The following CIAO2A variants were observed in gnomAD, a reference collection of about 807,000 sequenced individuals.
CIAO2A encodes the protein cytosolic iron-sulfur assembly component 2A, also known as MIP18 family protein FAM96A.
CIAO2A carries 17 observed loss-of-function variants against 22.4 expected under a neutral mutation model. That is an observed-to-expected ratio of 0.76 (90% confidence interval 0.52 to 1.14). The LOEUF (loss-of-function observed/expected upper bound fraction) is 1.14, where lower values mean the gene tolerates loss of function less well. CIAO2A is among the 50% of genes most tolerant of loss of function. The pLI, the probability that CIAO2A is intolerant of heterozygous loss-of-function variation, is 0.00. For synonymous variants in CIAO2A, 74 were observed against 72.3 expected, an observed-to-expected ratio of 1.02 and a Z score of -0.12; for missense variants, 192 against 191.4, an observed-to-expected ratio of 1.00 and a Z score of -0.02.
Position 64,075,554 on chromosome 15 carries a change from A to C in CIAO2A, c.340-17T>G, listed in dbSNP as rs759847301. On this transcript the variant is annotated splice_polypyrimidine_tract_variant and intron_variant, in intron 3 of 4. Coordinates refer to ENST00000300030, the MANE Select transcript of CIAO2A (RefSeq NM_032231.7). ...GATTTCCAACTGGAAAGTGGGAAAA[A>C]AAGTAAAAGAAAAAACATTAATGCA... The C allele has an allele frequency of 5.7e-5, 88 of 1,535,212 alleles. No homozygotes were observed. Among genetic ancestry groups the C allele is most frequent in the Non-Finnish European group, 2.0e-5 (22 of 1,121,382 alleles).
rs558781060 is a variant in CIAO2A at position 64,089,080 on chromosome 15, A to T, written c.125-229T>A. Reference sequence around the variant, plus strand: ...TTTCTCCAATCGGACATTGCAGAGAAAATATAATAAGAATGGAAACAGTGT... The same window carrying T: ...TTTCTCCAATCGGACATTGCAGAGATAATATAATAAGAATGGAAACAGTGT... On this transcript the variant is annotated intron_variant, in intron 1 of 4. Transcript: ENST00000300030. Among the ~76,000 whole-genome samples, 6 of 152,342 alleles carry T rather than the reference A, an allele frequency of 3.9e-5. No homozygotes were observed. In the East Asian group the frequency reaches 7.7e-4, roughly 20 times the overall value.
At chr15:64,085,510 A>C (rs2084732517) in intron 2 of CIAO2A, among the ~76,000 whole-genome samples, 1 of 152,198 alleles carries the variant, frequency 6.6e-6, no homozygotes, top group African/African-American at 2.4e-5. Context: ...TCAACAACAA[A>C]AAAAATTTAA....
rs1016357844 is a variant in CIAO2A, at chr15:64,075,585, A to C, written c.340-48T>G. ...AAAGAAAAAACATTAATGCATTCTA[A>C]GATAAGAGAGTGAAGTGGAATGTAC... On this transcript the variant is annotated intron_variant, in intron 3 of 4. Transcript: ENST00000300030. 4 of 1,184,310 alleles carry C rather than the reference A, an allele frequency of 3.4e-6. No homozygotes were observed. In the Admixed American group the frequency reaches 7.8e-5, roughly 23 times the overall value. The allele number at this position is 1,184,310 out of a possible 1,614,324, so 73.4% of individuals were successfully genotyped here.
chr15:64,076,873 G>A (rs767535955), intron 3 of CIAO2A, among the ~76,000 whole-genome samples: 26 of 150,852 alleles, frequency 1.7e-4, no homozygotes, highest in African/African-American at 3.7e-4. Context: ...CTCCTCCCTC[G>A]TCTCTATTTT....
At chr15:64,081,191 G>C (rs2080756882) in intron 2 of CIAO2A, 40 bp from the exon 3 acceptor site, 2 of 1,582,586 alleles carry the variant, frequency 1.3e-6, no homozygotes, top group African/African-American at 2.7e-5. Context: ...TCTCTTTATT[G>C]CTTCTTATTG....
Position 64,075,550 on chromosome 15 carries a change from A to G in CIAO2A, c.340-13T>C, listed in dbSNP as rs1268768423. 2.0e-6 allele frequency: 3 copies of G among 1,531,396 alleles called. No individual in the cohort carries two copies. The highest frequency in any genetic ancestry group is 4.6e-5 in the East Asian group (2 of 43,798). 94.9% of individuals were successfully genotyped at this position (1,531,396 alleles called of 1,614,324 possible). A position where few individuals can be genotyped will look rare whatever the true frequency, so the allele number is the denominator to read the frequency against. ...TGTAGATTTCCAACTGGAAAGTGGG[A>G]AAAAAAGTAAAAGAAAAAACATTAA... is the stretch of plus-strand genomic sequence containing the variant. On this transcript the variant is annotated splice_polypyrimidine_tract_variant and intron_variant, in intron 3 of 4. Transcript: ENST00000300030.
rs760364139 is a variant in CIAO2A at position 64,093,678 on chromosome 15, G to T, written c.91C>A (p.Arg31=). 1.9e-6 allele frequency: 3 copies of T among 1,613,672 alleles called. No individual in the cohort carries two copies. The highest frequency in any genetic ancestry group is 2.5e-6 in the Non-Finnish European group (3 of 1,179,844). The change falls in exon 1 of 5, where the codon CGG becomes AGG. Residue 31 remains arginine, a synonymous_variant. Coordinates refer to ENST00000300030, the MANE Select transcript of CIAO2A (RefSeq NM_032231.7). ...LSEPGAARQP[R]IMEEKALEVY... ...TCTAGCGCTTTCTCTTCCATGATCC[G>T]GGGCTGCCGGGCAGCTCCCGGCTCA...
rs2140115439 is a variant in CIAO2A, at chr15:64,088,696, T to A, written c.280A>T (p.Thr94Ser). Residue 94 changes from threonine to serine, a missense_variant, in exon 2 of 5, where the codon ACT (threonine) becomes TCT (serine). By Grantham distance (58) the Thr-to-Ser change is moderately conservative (BLOSUM62 1). Transcript: ENST00000300030. ...TPTVPHCSLA[T>S]LIGLCLRVKL... ...GTACAGAAAAACTTACCAATAAGAGTCGCCAAAGAGCAATGAGGTACTGTT... is the reference window on the plus strand; with the variant it reads ...GTACAGAAAAACTTACCAATAAGAGACGCCAAAGAGCAATGAGGTACTGTT... 6.2e-7 allele frequency: 1 copy of A among 1,607,890 alleles called. No individual in the cohort carries two copies. The highest frequency in any genetic ancestry group is 8.5e-7 in the Non-Finnish European group (1 of 1,178,268).
intron 2 of CIAO2A, among the ~76,000 whole-genome samples, chr15:64,082,632 G>C (rs1042793663): frequency 3.3e-5 from 5 of 152,136 alleles, no homozygotes; most frequent in African/African-American, 9.7e-5. Context: ...CTGCCTTAAA[G>C]CATATCTGGG....
intron 3 of CIAO2A, among the ~76,000 whole-genome samples, chr15:64,077,801 A>AT (rs1216728572): frequency 2.6e-5 from 4 of 152,234 alleles, no homozygotes; most frequent in Admixed American, 2.6e-4. Context: ...AGCCAGGAGG[A>AT]GGGACCGCCA....
At chr15:64,079,086 T>C (rs1181968943) in intron 3 of CIAO2A, among the ~76,000 whole-genome samples, 4 of 149,150 alleles carry the variant, frequency 2.7e-5, no homozygotes, top group East Asian at 2.0e-4. Flanking sequence ...AAAAAAGAAA[T>C]AGCTTTAGTT....
chr15:64,084,998 C>G (rs770059732), intron 2 of CIAO2A, among the ~76,000 whole-genome samples: 1 of 148,014 alleles, frequency 6.8e-6, no homozygotes, highest in East Asian at 2.0e-4. Flanking sequence ...GAGGCTGAAG[C>G]GGAGAATCAC....
chr15:64,075,878 G>A (rs778022152), intron 3 of CIAO2A, among the ~76,000 whole-genome samples: 2 of 151,454 alleles, frequency 1.3e-5, no homozygotes, highest in Non-Finnish European at 2.9e-5. Context: ...GGCCAGACTG[G>A]TCTCAAACTC....
chr15:64,091,776 A>C (rs1187595151), intron 1 of CIAO2A, among the ~76,000 whole-genome samples: 1 of 150,818 alleles, frequency 6.6e-6, no homozygotes, highest in African/African-American at 2.4e-5. Context: ...AAAAGAAAGA[A>C]GGGCCGGGTG....
chr15:64,093,689 GC>G lies in CIAO2A; in HGVS notation c.79del (p.Ala27ProfsTer12). 6.2e-7 allele frequency: 1 copy of G among 1,614,058 alleles called. No individual in the cohort carries two copies. Among genetic ancestry groups the G allele is most frequent in the Admixed American group, 1.7e-5 (1 of 60,016 alleles). On this transcript the variant is annotated frameshift_variant, in exon 1 of 5. Coordinates refer to ENST00000300030, the MANE Select transcript of CIAO2A (RefSeq NM_032231.7). LOFTEE classifies it high-confidence loss of function. Reference sequence around the variant, plus strand: ...CTCTTCCATGATCCGGGGCTGCCGGGCAGCTCCCGGCTCAGAGAGGCCGGAG... The same window carrying G: ...CTCTTCCATGATCCGGGGCTGCCGGGAGCTCCCGGCTCAGAGAGGCCGGAG... ...WLSGLSEPGA[A>X]RQPRIMEEKA...
At chr15:64,075,635 A>G in intron 3 of CIAO2A, 98 bp from the exon 4 acceptor site, 1 of 634,408 alleles carries the variant, frequency 1.6e-6, no homozygotes. Context: ...TCTAGGGATG[A>G]GTGCCCAAAT....
At chr15:64,087,430 T>C (rs2080806774) in intron 2 of CIAO2A, among the ~76,000 whole-genome samples, 1 of 152,094 alleles carries the variant, frequency 6.6e-6, no homozygotes, top group African/African-American at 2.4e-5. Flanking sequence ...GGTTTCACCA[T>C]GTTGGTCAGG....
intron 3 of CIAO2A, among the ~76,000 whole-genome samples, chr15:64,076,301 T>C (rs2080716907): frequency 6.6e-6 from 1 of 152,110 alleles, no homozygotes; most frequent in African/African-American, 2.4e-5. Flanking sequence ...CACATAATCT[T>C]ACACAGATTT....
At position 64,075,422 on chromosome 15, in the gene CIAO2A, G is replaced by A. The variant is rs887066336; in HGVS notation, c.385+70C>T. 14 of 968,940 alleles carry A rather than the reference G, an allele frequency of 1.4e-5. No homozygotes were observed. In the African/African-American group the frequency reaches 1.9e-4, roughly 13 times the overall value. The allele number at this position is 968,940 out of a possible 1,614,324, so 60.0% of individuals were successfully genotyped here. A position where few individuals can be genotyped will look rare whatever the true frequency, so the allele number is the denominator to read the frequency against. On this transcript the variant is annotated intron_variant, in intron 4 of 4. Transcript: ENST00000300030. Reference sequence around the variant, plus strand: ...TAACCCAGTAGATTCTTGGCTGGCAGAAGAATCCAGTATCCAAGATAAAAT... The same window carrying A: ...TAACCCAGTAGATTCTTGGCTGGCAAAAGAATCCAGTATCCAAGATAAAAT...
Sources: allele counts gnomAD v4.1 joint callset (sites outside exome capture counted in the v4.1 genomes callset), GRCh38; gene constraint gnomAD v4.1.1; transcripts MANE v1.5; gene names NCBI Gene and HGNC (gene_info 2026-07-23, HGNC 2026-07-21).